RYR1: variants seen among roughly 807,000 people sequenced by gnomAD.
RYR1 encodes the protein central core disease of muscle.
A neutral mutation model predicts 583.5 loss-of-function variants in RYR1; 342 were observed. The observed-to-expected ratio is 0.59, with a 90% confidence interval of 0.54 to 0.64. RYR1 has a LOEUF of 0.64. Ranked by LOEUF, RYR1 falls within the 30% of genes least tolerant of loss-of-function variation. The pLI, the probability that RYR1 is intolerant of heterozygous loss-of-function variation, is 0.00. For synonymous variants in RYR1, 2,791 were observed against 2,822.5 expected (o/e 0.99, Z 0.35); for missense variants, 6,032 against 6,917.2 (o/e 0.87, Z 4.54).
At chr19:38,501,755 G>A (rs750811670) in intron 47 of RYR1, among the ~76,000 whole-genome samples, 9 of 152,108 alleles carry the variant, frequency 5.9e-5, no homozygotes, top group South Asian at 4.1e-4. Context: ...AGGCCGAGGC[G>A]GGTGGGTTGC....
At position 38,502,624 on chromosome 19, in the gene RYR1, A is replaced by G. The variant is rs986827877; in HGVS notation, c.7732A>G (p.Met2578Val). The change falls in exon 48 of 106, where the codon ATG becomes GTG. Residue 2578 changes from methionine (M) to valine (V), a missense_variant. Met to Val is a conservative substitution (Grantham distance 21, BLOSUM62 1). Coordinates refer to ENST00000359596, the MANE Select transcript of RYR1 (RefSeq NM_000540.3). ...TGCGGGCACAGAACACCGCGCCATC[A>G]TGGTGGACTCTATGCTGCATACCGT... ...LFAGTEHRAI[M>V]VDSMLHTVYR... 4 of 1,612,692 alleles carry G rather than the reference A, an allele frequency of 2.5e-6. No individual in the cohort carries two copies. Among genetic ancestry groups the G allele is most frequent in the East Asian group, 2.2e-5 (1 of 44,818 alleles).
chr19:38,573,456 C>T (rs1049130160), intron 96 of RYR1, 149 bp downstream of exon 96: 101 of 1,011,092 alleles, frequency 1.0e-4, no homozygotes, highest in Non-Finnish European at 1.3e-4. Flanking sequence ...CTAAGGCGGG[C>T]GGATCACGAG....
At chr19:38,548,472 C>G in intron 89 of RYR1, 52 bp downstream of exon 89, 1 of 1,563,092 alleles carries the variant, frequency 6.4e-7, no homozygotes, top group Non-Finnish European at 8.8e-7. Context: ...TTGCCAAGGG[C>G]CAGCCATACC....
chr19:38,559,368 G>A (rs1973023168), intron 89 of RYR1, among the ~76,000 whole-genome samples: 1 of 151,514 alleles, frequency 6.6e-6, no homozygotes, highest in Non-Finnish European at 1.5e-5. Context: ...CAAGTAGCTG[G>A]GATTACAGGC....
rs376270097 is a variant in RYR1 at position 38,499,445 on chromosome 19, G to A, written c.7028-190G>A. On this transcript the variant is annotated intron_variant, in intron 43 of 105. Coordinates refer to ENST00000359596, the MANE Select transcript of RYR1 (RefSeq NM_000540.3). This position sits in a 1 kb window ranked among gnomAD's most constrained non-coding sequence, Gnocchi z 7.3. ...GGCAGTGTTGGATCCTGGGGCTGGC[G>A]GGAGCCTGGTGTTACCCCTAGAGGT... 2.5e-4 allele frequency among the ~76,000 whole-genome samples: 30 copies of A among 121,934 alleles called. No homozygotes were observed. Among genetic ancestry groups the A allele is most frequent in the East Asian group, 1.7e-3 (6 of 3,614 alleles). 80.0% of individuals were successfully genotyped at this position (121,934 alleles called of 152,430 possible).
chr19:38,543,729 T>C lies in RYR1; in HGVS notation c.11908-42T>C. 1.9e-6 allele frequency: 3 copies of C among 1,611,338 alleles called. No homozygotes were observed. The highest frequency in any genetic ancestry group is 2.5e-6 in the Non-Finnish European group (3 of 1,179,906). On this transcript the variant is annotated intron_variant, in intron 86 of 105. Coordinates refer to ENST00000359596, the MANE Select transcript of RYR1 (RefSeq NM_000540.3). The surrounding 1 kb of genome is among the most constrained non-coding windows in gnomAD (Gnocchi z 4.4). The stretch of plus-strand genomic sequence containing the variant: ...CCGCATCGTGATCCCTGATCCCTTC[T>C]CGGGGATTCCCTTCCCCCCCACACG...
intron 90 of RYR1, among the ~76,000 whole-genome samples, chr19:38,563,852 A>G (rs1391484592): frequency 7.3e-6 from 1 of 137,658 alleles, no homozygotes; most frequent in Non-Finnish European, 1.6e-5. Flanking sequence ...GGGGGTTCGA[A>G]TCCTATATGT....
intron 76 of RYR1, among the ~76,000 whole-genome samples, chr19:38,532,018 G>A (rs1257769998): frequency 6.6e-6 from 1 of 152,126 alleles, no homozygotes; most frequent in Non-Finnish European, 1.5e-5. Flanking sequence ...GTCCTCATCG[G>A]CCATGCATTT....
chr19:38,565,397 C>T lies in RYR1; in HGVS notation c.13063C>T (p.Leu4355=), dbSNP rs1435062797. 4.2e-6 allele frequency: 6 copies of T among 1,430,260 alleles called. No individual in the cohort carries two copies. The highest frequency in any genetic ancestry group is 2.7e-5 in the Admixed American group (1 of 37,222). 88.6% of individuals were successfully genotyped at this position (1,430,260 alleles called of 1,614,324 possible). Residue 4355 remains leucine (L), a synonymous_variant, in exon 91 of 106, where the codon CTG becomes TTG. Transcript: ENST00000359596. This position sits in a 1 kb window ranked among gnomAD's most constrained non-coding sequence, Gnocchi z 4.7. ...TGGCGCGGGGGCGGCGGCGGGCGCG[C>T]TGGGCCTGCTCTGGGGCTCGCTGTT... ...AAGAGAAAGA[L]GLLWGSLFGG...
rs772216620 is a variant in RYR1, at chr19:38,444,666, G to A, written c.620G>A (p.Arg207His). 8.7e-6 allele frequency: 14 copies of A among 1,612,952 alleles called. No individual in the cohort carries two copies. Among genetic ancestry groups the A allele is most frequent in the African/African-American group, 4.0e-5 (3 of 74,824 alleles). Reference protein sequence around the residue: ...TLWNMNPICSRCEEGFVTGGH... With the variant: ...TLWNMNPICSHCEEGFVTGGH... ...TGGAACATGAACCCCATCTGCTCCC[G>A]CTGCGAAGAGGGTGAGGGCCCCAGA... The change falls in exon 7 of 106, where the codon CGC becomes CAC. Residue 207 changes from arginine to histidine, a missense_variant. Physicochemically the swap from Arg to His is conservative, Grantham distance 29. Transcript: ENST00000359596. The surrounding 1 kb of genome is among the most constrained non-coding windows in gnomAD (Gnocchi z 5.1).
In RYR1 at chr19:38,478,486, C is replaced by T. The variant is rs1029335541; in HGVS notation, c.4506C>T (p.Pro1502=). The T allele has an allele frequency of 6.2e-6, 10 of 1,613,928 alleles. No individual in the cohort carries two copies. Among genetic ancestry groups the T allele is most frequent in the African/African-American group, 4.0e-5 (3 of 74,886 alleles). ...TGTGGGGCGGAGACTTTGTGAGTCC[C>T]GGGCAGCAGGGCCGGATCAGCCACA... ...YMVWGGDFVS[P]GQQGRISHTD... Residue 1502 remains proline, a synonymous_variant, in exon 31 of 106, where the codon CCC becomes CCT. Coordinates refer to ENST00000359596, the MANE Select transcript of RYR1 (RefSeq NM_000540.3).
intron 2 of RYR1, among the ~76,000 whole-genome samples, chr19:38,441,638 GGGAGACTGGGGGCTGAGAGGTGGAA>G (rs1234203213): frequency 5.3e-5 from 8 of 151,630 alleles, no homozygotes; most frequent in African/African-American, 1.9e-4. Context: ...GGCCTGACTT[GGGAGACTGGGGGCTGAGAGGTGGAA>G]GGAGCCTGGG....
rs763422395 is a variant in RYR1, at chr19:38,537,891, A to G, written c.11620A>G (p.Met3874Val). 1.2e-5 allele frequency: 18 copies of G among 1,497,026 alleles called. No homozygotes were observed. The highest frequency in any genetic ancestry group is 4.5e-5 in the South Asian group (4 of 89,706). 92.7% of individuals were successfully genotyped at this position (1,497,026 alleles called of 1,614,324 possible). A position where few individuals can be genotyped will look rare whatever the true frequency, so the allele number is the denominator to read the frequency against. Residue 3874 changes from methionine to valine, a missense_variant, in exon 84 of 106, where the codon ATG (methionine) becomes GTG (valine). Coordinates refer to ENST00000359596, the MANE Select transcript of RYR1 (RefSeq NM_000540.3). ...VINRQNGEKV[M>V]ADDEFTQDLF... ...TCCCTTCCACCTAGGAGAGAAGGTCATGGCGGATGATGAATTCACACAAGA... is the reference window on the plus strand; with the variant it reads ...TCCCTTCCACCTAGGAGAGAAGGTCGTGGCGGATGATGAATTCACACAAGA...
chr19:38,577,464 C>T (rs1003010078), intron 97 of RYR1, among the ~76,000 whole-genome samples: 1 of 152,014 alleles, frequency 6.6e-6, no homozygotes, highest in African/African-American at 2.4e-5. Flanking sequence ...AGATGATGAA[C>T]CCAAGTACAG....
At chr19:38,577,132 C>T (rs1008823698) in intron 97 of RYR1, among the ~76,000 whole-genome samples, 5 of 152,122 alleles carry the variant, frequency 3.3e-5, no homozygotes, top group Admixed American at 1.3e-4. Context: ...GTGATCCACC[C>T]GCCTCGGCCT....
intron 1 of RYR1, among the ~76,000 whole-genome samples, chr19:38,437,132 C>A (rs1182634409): frequency 6.6e-6 from 1 of 151,764 alleles, no homozygotes; most frequent in East Asian, 1.9e-4. Context: ...CTCACTGCAA[C>A]CTCCGCCTCC....
intron 42 of RYR1, among the ~76,000 whole-genome samples, chr19:38,498,081 C>T (rs1969927953): frequency 6.6e-6 from 1 of 152,080 alleles, no homozygotes; most frequent in Admixed American, 6.6e-5. Context: ...TTCTAGGCAG[C>T]GGGAACAGCC....
In RYR1 at chr19:38,448,804, C is replaced by G; in HGVS notation, c.1113C>G (p.Leu371=). The part of the protein sequence containing the change: ...PDPKALRLGV[L]KKKAMLHQEG... The stretch of plus-strand genomic sequence containing the variant: ...CCAAGGCCCTGCGGCTCGGCGTGCT[C>G]AAGAAGAAGGTGGGTGTAATCCCAG... Residue 371 remains leucine (L), a synonymous_variant, in exon 11 of 106, where the codon CTC becomes CTG. Transcript: ENST00000359596. 1 of 1,613,734 alleles carries G rather than the reference C, an allele frequency of 6.2e-7. No homozygotes were observed. The highest frequency in any genetic ancestry group is 8.5e-7 in the Non-Finnish European group (1 of 1,179,948).
At position 38,469,460 on chromosome 19, in the gene RYR1, A is replaced by T; in HGVS notation, c.3712A>T (p.Ser1238Cys). The part of the protein sequence containing the change: ...NMQRPVTTWF[S>C]KGLPQFEPVP... ...GCAGCGCCCAGTCACCACCTGGTTC[A>T]GCAAAGGCCTGCCCCAGTTTGAGCC... The change falls in exon 27 of 106, where the codon AGC becomes TGC. Residue 1238 changes from serine to cysteine, a missense_variant. Physicochemically the swap from Ser to Cys is moderately radical, Grantham distance 112 (BLOSUM62 -1). This residue lies in a region of RYR1 where 2,627 missense variants were observed against 2,961.3 expected (regional missense o/e 0.89). Coordinates refer to ENST00000359596, the MANE Select transcript of RYR1 (RefSeq NM_000540.3). 3 of 1,614,192 alleles carry T rather than the reference A, an allele frequency of 1.9e-6. No homozygotes were observed. The highest frequency in any genetic ancestry group is 2.2e-5 in the South Asian group (2 of 91,082).
Sources: gnomAD v4.1 joint callset for allele counts (sites outside exome capture counted in the v4.1 genomes callset) on GRCh38, gnomAD v4.1.1 for gene constraint, gnomAD v4.1.1 regional missense constraint, Gnocchi (gnomAD v3.1) non-coding constraint, MANE v1.5 for transcripts, NCBI Gene and HGNC (gene_info 2026-07-23, HGNC 2026-07-21) for gene names.